Variants in RFT1 observed in about 807,000 individuals in gnomAD.
The protein encoded by RFT1 is RFT1 glycolipid translocator homolog.
In RFT1, 43 loss-of-function variants were observed where a neutral mutation model predicts 62.2. The ratio of observed to expected loss-of-function variants is 0.69; its 90% CI spans 0.54 to 0.89. The LOEUF (loss-of-function observed/expected upper bound fraction) is 0.89. RFT1 is among the 40% of genes least tolerant of loss of function. RFT1 has a pLI of 0.00. For missense variants in RFT1, 605 were observed against 649.9 expected (o/e 0.93, Z 0.75); for synonymous variants, 262 against 264.6 (o/e 0.99, Z 0.10).
At chr3:53,095,707 C>A (rs957016342) in intron 11 of RFT1, among the ~76,000 whole-genome samples, 33 of 129,510 alleles carry the variant, frequency 2.5e-4, no homozygotes, top group Admixed American at 1.5e-3. Context: ...CAGAGTGAGA[C>A]CCTGTCTCAA....
chr3:53,122,575 G>GA lies in RFT1; in HGVS notation c.267-13dup, dbSNP rs777983884. The GA allele has an allele frequency of 1.9e-5, 29 of 1,528,586 alleles. No homozygotes were observed. The African/African-American group carries it at 2.7e-4, about 14-fold the overall frequency. The allele number at this position is 1,528,586 out of a possible 1,614,324, so 94.7% of individuals were successfully genotyped here. The stretch of plus-strand genomic sequence containing the variant: ...CACCCAGGGGGACTCTAGAAGAGGA[G>GA]AAAAAAATAATTCACTAAATTTTAA... On this transcript the variant is annotated splice_polypyrimidine_tract_variant and intron_variant, in intron 3 of 12. Transcript: ENST00000296292.
chr3:53,081,927 C>T, the RFT1 span, among the ~76,000 whole-genome samples: 1 of 152,186 alleles, frequency 6.6e-6, no homozygotes, highest in Non-Finnish European at 1.5e-5. Flanking sequence ...CTGTGGGTTC[C>T]AAACTTGCTG....
chr3:53,102,706 G>T (rs958999072), intron 10 of RFT1, among the ~76,000 whole-genome samples: 1 of 152,202 alleles, frequency 6.6e-6, no homozygotes. Flanking sequence ...CCCACATCTG[G>T]AGATGGCCAG....
chr3:53,129,036 G>T (rs1227196015), intron 1 of RFT1, among the ~76,000 whole-genome samples: 1 of 151,828 alleles, frequency 6.6e-6, no homozygotes, highest in Non-Finnish European at 1.5e-5. Context: ...TATCTGAGTA[G>T]TAAGATATTA....
intron 8 of RFT1, 122 bp from the exon 9 acceptor site, chr3:53,105,925 C>CTTCTTATA: frequency 3.0e-6 from 3 of 1,004,328 alleles, no homozygotes; most frequent in Non-Finnish European, 4.3e-6. Context: ...ATTATAGATT[C>CTTCTTATA]ACACAGAGTT....
chr3:53,078,437 AT>A, the RFT1 span, among the ~76,000 whole-genome samples: 2 of 152,238 alleles, frequency 1.3e-5, no homozygotes, highest in Non-Finnish European at 2.9e-5. Flanking sequence ...ATCAGGAAAA[AT>A]AACACATGGT....
chr3:53,126,252 AACC>A (rs1702107362), intron 1 of RFT1, among the ~76,000 whole-genome samples: 4 of 152,204 alleles, frequency 2.6e-5, no homozygotes, highest in Admixed American at 2.6e-4. Flanking sequence ...TATTAATAAC[AACC>A]AAGAGGCCCC....
At chr3:53,120,203 G>A (rs574744464) in intron 5 of RFT1, among the ~76,000 whole-genome samples, 182 bp from the exon 6 acceptor site, 1 of 152,180 alleles carries the variant, frequency 6.6e-6, no homozygotes, top group Non-Finnish European at 1.5e-5. Flanking sequence ...GCATCTACCT[G>A]CAAAGTGTTC....
the RFT1 span, among the ~76,000 whole-genome samples, chr3:53,071,397 A>T: frequency 4.3e-4 from 65 of 152,284 alleles, no homozygotes; most frequent in Middle Eastern, 3.4e-3. Flanking sequence ...GGTGCCCCAG[A>T]TACTTAGCTG....
At chr3:53,088,477 A>G (rs1053802963), downstream of RFT1, 2 of 152,234 alleles carry the variant, frequency 1.3e-5, no homozygotes, top group African/African-American at 4.8e-5. Flanking sequence ...TGAAAGAAGA[A>G]AGGTCTTTTC....
chr3:53,104,223 A>G, intron 9 of RFT1, 126 bp from the exon 10 acceptor site: 1 of 966,948 alleles, frequency 1.0e-6, no homozygotes, highest in Non-Finnish European at 1.6e-6. Flanking sequence ...GATGGATATC[A>G]CTATTTTTTT....
Position 53,106,877 on chromosome 3 carries a change from CA to C in RFT1, c.776-9del. The stretch of plus-strand genomic sequence containing the variant: ...TCATCACATATCGCTCGCCTATAAA[CA>C]AAAAAGCAAAATAATTAGCAATGTC... On this transcript the variant is annotated splice_polypyrimidine_tract_variant and intron_variant, in intron 7 of 12. Coordinates refer to ENST00000296292, the MANE Select transcript of RFT1 (RefSeq NM_052859.4). The C allele has an allele frequency of 1.2e-6, 2 of 1,606,744 alleles. No homozygotes were observed. Among genetic ancestry groups the C allele is most frequent in the Non-Finnish European group, 1.7e-6 (2 of 1,173,842 alleles).
chr3:53,125,664 C>G (rs765968656), intron 2 of RFT1, among the ~76,000 whole-genome samples: 7 of 152,244 alleles, frequency 4.6e-5, no homozygotes, highest in Non-Finnish European at 8.8e-5. Flanking sequence ...AAAACCAGAA[C>G]AGCTGGCAAA....
chr3:53,118,223 C>T (rs896571456), intron 6 of RFT1, among the ~76,000 whole-genome samples: 8 of 152,082 alleles, frequency 5.3e-5, no homozygotes, highest in African/African-American at 1.9e-4. Context: ...AGGGACAGGC[C>T]CAGTATGAAA....
chr3:53,079,228 C>T, the RFT1 span, among the ~76,000 whole-genome samples: 2 of 152,182 alleles, frequency 1.3e-5, no homozygotes, highest in South Asian at 4.1e-4. Context: ...ACTCAGGTCA[C>T]GGCTCTTTGA....
chr3:53,095,102 C>T (rs969466910), intron 11 of RFT1, among the ~76,000 whole-genome samples: 1 of 150,224 alleles, frequency 6.7e-6, no homozygotes, highest in Non-Finnish European at 1.5e-5. Context: ...CCTGTCTCTA[C>T]TAAAAATACA....
chr3:53,080,815 TAGGGTAGC>T, the RFT1 span, among the ~76,000 whole-genome samples: 98 of 151,650 alleles, frequency 6.5e-4, no homozygotes, highest in African/African-American at 2.3e-3. Context: ...TTGAAGGGGG[TAGGGTAGC>T]AGGGTAGCTG....
chr3:53,114,157 CG>C (rs1371130295), intron 6 of RFT1, among the ~76,000 whole-genome samples: 3 of 152,152 alleles, frequency 2.0e-5, no homozygotes. Flanking sequence ...TGACCACAGC[CG>C]GCTTCAGCAC....
intron 7 of RFT1, among the ~76,000 whole-genome samples, chr3:53,107,587 C>A (rs1701522539): frequency 6.6e-6 from 1 of 151,580 alleles, no homozygotes; most frequent in African/African-American, 2.4e-5. Flanking sequence ...TCCAAAGGTT[C>A]CTCAGGGGTG....
Sources: allele counts gnomAD v4.1 joint callset (sites outside exome capture counted in the v4.1 genomes callset), GRCh38; gene constraint gnomAD v4.1.1; transcripts MANE v1.5; gene names NCBI Gene and HGNC (gene_info 2026-07-23, HGNC 2026-07-21).